TRIM24: variants seen among roughly 807,000 people sequenced by gnomAD.
TRIM24 encodes tripartite motif containing 24.
A neutral mutation model predicts 123.9 loss-of-function variants in TRIM24; 29 were observed. The ratio of observed to expected loss-of-function variants is 0.23; its 90% CI spans 0.17 to 0.32. The LOEUF is 0.32. Ranked by LOEUF, TRIM24 falls within the 10% of genes least tolerant of loss-of-function variation. The probability of loss-of-function intolerance (pLI) is 1.00; values close to 1 mark genes in which losing one functional copy is unlikely to be tolerated. For missense variants in TRIM24, 932 were observed against 1,295.3 expected (o/e 0.72, Z 4.31); for synonymous variants, 456 against 461.1 (o/e 0.99, Z 0.14).
intron 2 of TRIM24, among the ~76,000 whole-genome samples, chr7:138,507,945 A>AT (rs1796186317): frequency 4.6e-5 from 7 of 151,928 alleles, no homozygotes; most frequent in African/African-American, 1.5e-4. Context: ...AAAAAAAAAA[A>AT]ATTTTTTTTT....
chr7:138,486,265 A>T (rs1024852228), intron 1 of TRIM24, among the ~76,000 whole-genome samples: 1 of 151,944 alleles, frequency 6.6e-6, no homozygotes, highest in Non-Finnish European at 1.5e-5. Context: ...AATTGCAAAA[A>T]TTTTTTCCCA....
intron 14 of TRIM24, 84 bp from the exon 15 acceptor site, chr7:138,579,117 TCAC>T: frequency 9.1e-7 from 1 of 1,095,990 alleles, no homozygotes; most frequent in Non-Finnish European, 1.3e-6. Flanking sequence ...AGCCAGGTGC[TCAC>T]CAGAGAGTGG....
rs577317171 is a variant in TRIM24, at chr7:138,466,463, C to CTTTTTTT, written c.364+5563_364+5569dup. On this transcript the variant is annotated intron_variant, in intron 1 of 18. Transcript: ENST00000343526. Reference sequence around the variant, plus strand: ...TTTGCAAATTTCAAAACTTAAGTTGCTTTTTTTTTTTTTTTTTTGGAGACA... The same window carrying CTTTTTTT: ...TTTGCAAATTTCAAAACTTAAGTTGCTTTTTTTTTTTTTTTTTTTTTTTTTGGAGACA... Among the ~76,000 whole-genome samples, 547 of 74,002 alleles carry CTTTTTTT rather than the reference C, an allele frequency of 7.4e-3. 95 individuals carry two copies. Among genetic ancestry groups the CTTTTTTT allele is most frequent in the African/African-American group, 0.028 (503 of 18,020 alleles). 48.5% of individuals were successfully genotyped at this position (74,002 alleles called of 152,430 possible).
intron 7 of TRIM24, among the ~76,000 whole-genome samples, chr7:138,548,737 C>T (rs549251725): frequency 6.6e-6 from 1 of 152,224 alleles, no homozygotes; most frequent in Non-Finnish European, 1.5e-5. Context: ...AAAACACAAA[C>T]ACATTGTACA....
At position 138,524,407 on chromosome 7, in the gene TRIM24, C is replaced by G. The variant is rs573882371; in HGVS notation, c.765-834C>G. The stretch of plus-strand genomic sequence containing the variant: ...ACTAAGGTAAAAAAAACTTGAGTTG[C>G]CTATAAAAGTATTTGAAATGTTATA... On this transcript the variant is annotated intron_variant, in intron 4 of 18. Transcript: ENST00000343526. Among the ~76,000 whole-genome samples, 9 of 152,014 alleles carry G rather than the reference C, an allele frequency of 5.9e-5. No homozygotes were observed. In the South Asian group the frequency reaches 1.9e-3, roughly 32 times the overall value.
Position 138,460,799 on chromosome 7 carries a change from C to T in TRIM24, c.251C>T (p.Ala84Val). 3 of 1,582,298 alleles carry T rather than the reference C, an allele frequency of 1.9e-6. No individual in the cohort carries two copies. Among genetic ancestry groups the T allele is most frequent in the South Asian group, 1.1e-5 (1 of 88,072 alleles). ...LHSFCQRCLP[A>V]PQRYLMLPAP... Reference sequence around the variant, plus strand: ...TCTTTCTGCCAGCGCTGCCTGCCCGCGCCCCAGCGCTACCTCATGCTGCCC... The same window carrying T: ...TCTTTCTGCCAGCGCTGCCTGCCCGTGCCCCAGCGCTACCTCATGCTGCCC... The change falls in exon 1 of 19, where the codon GCG becomes GTG. Residue 84 changes from alanine (A) to valine (V), a missense_variant. By Grantham distance (64) the Ala-to-Val change is moderately conservative (BLOSUM62 0). Around this residue, in one of 7 missense-constraint regions of TRIM24, gnomAD observed 164 missense variants for 181.9 expected, o/e 0.90. Coordinates refer to ENST00000343526, the MANE Select transcript of TRIM24 (RefSeq NM_015905.3).
At chr7:138,537,778 A>G (rs1251022606) in intron 6 of TRIM24, among the ~76,000 whole-genome samples, 1 of 152,118 alleles carries the variant, frequency 6.6e-6, no homozygotes, top group Non-Finnish European at 1.5e-5. Context: ...GCTCAAGTGT[A>G]TTTTCCAAAT....
intron 1 of TRIM24, among the ~76,000 whole-genome samples, chr7:138,493,015 T>C (rs1795828547): frequency 6.6e-6 from 1 of 152,196 alleles, no homozygotes; most frequent in Admixed American, 6.5e-5. Flanking sequence ...AATCTGCCAT[T>C]GTACTGCTGT....
At chr7:138,542,362 A>T (rs1281366273) in intron 7 of TRIM24, among the ~76,000 whole-genome samples, 5 of 152,184 alleles carry the variant, frequency 3.3e-5, no homozygotes, top group African/African-American at 1.2e-4. Context: ...GAGACTACGG[A>T]GGCCTGAGGA....
chr7:138,521,555 A>G (rs1027977792), intron 4 of TRIM24, among the ~76,000 whole-genome samples: 2 of 152,168 alleles, frequency 1.3e-5, no homozygotes, highest in African/African-American at 2.4e-5. Flanking sequence ...GAAATAAAGA[A>G]CAGATGGAAT....
chr7:138,467,587 C>A (rs956381584), intron 1 of TRIM24, among the ~76,000 whole-genome samples: 4 of 152,068 alleles, frequency 2.6e-5, no homozygotes, highest in African/African-American at 9.7e-5. Flanking sequence ...GTGATCTGCC[C>A]GCCTCGGCCT....
intron 1 of TRIM24, among the ~76,000 whole-genome samples, chr7:138,493,775 A>G (rs1470908176): frequency 6.6e-6 from 1 of 152,136 alleles, no homozygotes; most frequent in Non-Finnish European, 1.5e-5. Flanking sequence ...CAGCAGGACT[A>G]TGGAATGGGT....
In TRIM24 at chr7:138,570,925, T is replaced by C; in HGVS notation, c.1800T>C (p.Asp600=). Residue 600 remains aspartate (D), a synonymous_variant, in exon 11 of 19, where the codon GAT becomes GAC. Transcript: ENST00000343526. ...SPTITSAAGY[D]GKAFGSPMID... ...CGATTACTAGTGCAGCAGGATATGA[T>C]GGAAAGGCTTTTGGTTCACCTATGA... is the stretch of plus-strand genomic sequence containing the variant. The C allele has an allele frequency of 6.2e-7, 1 of 1,614,162 alleles. No individual in the cohort carries two copies. The highest frequency in any genetic ancestry group is 8.5e-7 in the Non-Finnish European group (1 of 1,180,010).
intron 1 of TRIM24, among the ~76,000 whole-genome samples, 170 bp from the exon 2 acceptor site, chr7:138,504,120 T>G (rs141393717): frequency 6.6e-6 from 1 of 152,326 alleles, no homozygotes; most frequent in Admixed American, 6.5e-5. Context: ...TCATGTGTGA[T>G]GTATAGATAA....
intron 1 of TRIM24, among the ~76,000 whole-genome samples, chr7:138,498,653 C>CT (rs1563034084): frequency 6.6e-6 from 1 of 150,784 alleles, no homozygotes; most frequent in Non-Finnish European, 1.5e-5. Flanking sequence ...TTTTCTTTTT[C>CT]TTTTTTTTCC....
rs1798013666 is a variant in TRIM24, at chr7:138,586,064, A to G, written c.*1113A>G. The G allele has an allele frequency of 4.8e-6, 2 of 417,146 alleles. No individual in the cohort carries two copies. The highest frequency in any genetic ancestry group is 9.4e-6 in the Non-Finnish European group (2 of 213,108). 25.8% of individuals were successfully genotyped at this position (417,146 alleles called of 1,614,324 possible). On this transcript the variant is annotated 3_prime_UTR_variant, in exon 19 of 19. Transcript: ENST00000343526. Reference sequence around the variant, plus strand: ...TTTGAGAGTCAGAACATCAAACTTAATCTTTGATCTGACTTCTGATTTTAT... The same window carrying G: ...TTTGAGAGTCAGAACATCAAACTTAGTCTTTGATCTGACTTCTGATTTTAT...
At chr7:138,504,146 A>C in intron 1 of TRIM24, 144 bp from the exon 2 acceptor site, 1 of 467,744 alleles carries the variant, frequency 2.1e-6, no homozygotes, top group Non-Finnish European at 3.8e-6. Context: ...GTATATTTAC[A>C]TAGACAATTG....
chr7:138,472,053 G>A (rs539673997), intron 1 of TRIM24, among the ~76,000 whole-genome samples: 1 of 152,190 alleles, frequency 6.6e-6, no homozygotes, highest in East Asian at 1.9e-4. Flanking sequence ...AAGCATATAG[G>A]TGGAGAGATA....
intron 1 of TRIM24, among the ~76,000 whole-genome samples, chr7:138,502,195 C>A: frequency 6.6e-6 from 1 of 152,166 alleles, no homozygotes; most frequent in Non-Finnish European, 1.5e-5. Flanking sequence ...AAAGAGCCAG[C>A]TATTGTCATC....
Sources: gnomAD v4.1 joint callset for allele counts (sites outside exome capture counted in the v4.1 genomes callset) on GRCh38, gnomAD v4.1.1 for gene constraint, gnomAD v4.1.1 regional missense constraint, MANE v1.5 for transcripts, NCBI Gene and HGNC (gene_info 2026-07-23, HGNC 2026-07-21) for gene names.